Variants in FCRL5 observed in about 807,000 individuals in gnomAD.
The protein encoded by FCRL5 is Fc receptor like 5.
A neutral mutation model predicts 92.1 loss-of-function variants in FCRL5; 79 were observed. The observed-to-expected ratio is 0.86, with a 90% CI of 0.72 to 1.03. The LOEUF (loss-of-function observed/expected upper bound fraction) is 1.03, where lower values mean the gene tolerates loss of function less well. Ranked by LOEUF, FCRL5 falls within the 50% of genes least tolerant of loss-of-function variation. The pLI, the probability that FCRL5 is intolerant of heterozygous loss-of-function variation, is 0.00. For synonymous variants in FCRL5, 466 were observed against 469.3 expected (o/e 0.99, Z 0.09); for missense variants, 1,160 against 1,181.1 (o/e 0.98, Z 0.26).
intron 9 of FCRL5, among the ~76,000 whole-genome samples, chr1:157,526,318 G>T (rs896134268): frequency 2.0e-5 from 3 of 152,316 alleles, no homozygotes; most frequent in Non-Finnish European, 2.9e-5. Flanking sequence ...GAAACATTTT[G>T]GTGGAGAGGT....
chr1:157,533,520 TC>T (rs1186151150), intron 8 of FCRL5: 2 of 152,178 alleles, frequency 1.3e-5, no homozygotes, highest in African/African-American at 4.8e-5. Flanking sequence ...TCCCCTCTTA[TC>T]ATCTTGTCAT....
chr1:157,526,532 G>A (rs955394771), intron 9 of FCRL5, among the ~76,000 whole-genome samples: 4 of 152,122 alleles, frequency 2.6e-5, no homozygotes, highest in African/African-American at 9.7e-5. Flanking sequence ...GAGATGTTGG[G>A]GGCCACAGAA....
chr1:157,541,279 A>G lies in FCRL5; in HGVS notation c.1123+1580T>C, dbSNP rs1404348461. On this transcript the variant is annotated intron_variant, in intron 6 of 16. Transcript: ENST00000361835. ...CTCCAACTGGACGCTCTCTTGATGA[A>G]CCCTCTCTTTTACTCCTGGCTGCCC... Among the ~76,000 whole-genome samples, 4 of 151,962 alleles carry G rather than the reference A, an allele frequency of 2.6e-5. No homozygotes were observed. The South Asian group carries it at 6.3e-4, about 24-fold the overall frequency.
At chr1:157,545,324 G>A (rs1484246057) in intron 3 of FCRL5, among the ~76,000 whole-genome samples, 1 of 151,910 alleles carries the variant, frequency 6.6e-6, no homozygotes, top group East Asian at 1.9e-4. Context: ...TGTTTTTCCA[G>A]TTTTCTCTTC....
intron 12 of FCRL5, 138 bp downstream of exon 12, chr1:157,520,293 C>A (rs550297693): frequency 4.6e-6 from 3 of 646,508 alleles, no homozygotes; most frequent in African/African-American, 3.7e-5. Context: ...GAGGACCCAG[C>A]GGGAAAGGAA....
rs1650896166 is a variant in FCRL5 at position 157,534,919 on chromosome 1, A to G, written c.1403-27T>C. Reference sequence around the variant, plus strand: ...TGAGGAAGAGAAAGATTGAATCAAGAGTTGCTTTTGCCTCTTACTGTAGAT... The same window carrying G: ...TGAGGAAGAGAAAGATTGAATCAAGGGTTGCTTTTGCCTCTTACTGTAGAT... On this transcript the variant is annotated intron_variant, in intron 7 of 16. Transcript: ENST00000361835. 4.6e-6 allele frequency: 7 copies of G among 1,515,770 alleles called. No homozygotes were observed. The South Asian group carries it at 9.4e-5, about 20-fold the overall frequency. The allele number at this position is 1,515,770 out of a possible 1,614,324, so 93.9% of individuals were successfully genotyped here.
intron 10 of FCRL5, chr1:157,522,348 GA>G (rs1182270500): frequency 6.6e-6 from 1 of 152,200 alleles, no homozygotes; most frequent in Non-Finnish European, 1.5e-5. Flanking sequence ...CAACGGATGA[GA>G]AAATGTCATC....
chr1:157,536,194 A>C (rs1441383209), intron 7 of FCRL5, among the ~76,000 whole-genome samples: 1 of 152,008 alleles, frequency 6.6e-6, no homozygotes, highest in Non-Finnish European at 1.5e-5. Context: ...CACCTGCCTC[A>C]GCCTCCCAAA....
chr1:157,539,851 G>A (rs1381527422), intron 6 of FCRL5, among the ~76,000 whole-genome samples: 1 of 152,160 alleles, frequency 6.6e-6, no homozygotes, highest in Non-Finnish European at 1.5e-5. Flanking sequence ...GCTAAAGGTT[G>A]ATCAAAGACT....
intron 2 of FCRL5, among the ~76,000 whole-genome samples, chr1:157,548,074 T>A (rs1260852610): frequency 6.6e-6 from 1 of 152,260 alleles, no homozygotes; most frequent in Non-Finnish European, 1.5e-5. Context: ...GATCCTATCC[T>A]GAGTCAATAT....
In FCRL5 at chr1:157,544,230, T is replaced by TGCAG. The variant is rs748513684; in HGVS notation, c.844+28_844+31dup. On this transcript the variant is annotated intron_variant, in intron 5 of 16. Coordinates refer to ENST00000361835, the MANE Select transcript of FCRL5 (RefSeq NM_031281.3). ...CCTGTCCCACTTTTCCAGCCCTCTC[T>TGCAG]GCAGCAAATCTCAGGTTCCACCAAC... 3 of 1,608,824 alleles carry TGCAG rather than the reference T, an allele frequency of 1.9e-6. No homozygotes were observed. The African/African-American group carries it at 4.0e-5, about 21-fold the overall frequency.
At chr1:157,545,677 C>T (rs954102657) in intron 3 of FCRL5, among the ~76,000 whole-genome samples, 2 of 151,852 alleles carry the variant, frequency 1.3e-5, no homozygotes, top group Non-Finnish European at 2.9e-5. Flanking sequence ...TACAGGCACC[C>T]GCCACCAAGC....
chr1:157,525,721 AAC>A, intron 9 of FCRL5, among the ~76,000 whole-genome samples: 1 of 152,218 alleles, frequency 6.6e-6, no homozygotes, highest in Non-Finnish European at 1.5e-5. Context: ...AAGTCAAATC[AAC>A]AGGACTTAAT....
chr1:157,537,548 C>G (rs1189899067), intron 7 of FCRL5, among the ~76,000 whole-genome samples: 1 of 152,178 alleles, frequency 6.6e-6, no homozygotes, highest in Non-Finnish European at 1.5e-5. Flanking sequence ...CACCCTGCCT[C>G]CATTTGCCTT....
intron 7 of FCRL5, 90 bp downstream of exon 7, chr1:157,538,996 A>C: frequency 7.3e-7 from 1 of 1,363,446 alleles, no homozygotes; most frequent in Non-Finnish European, 1.0e-6. Context: ...GAAACAGAGG[A>C]TACTAGAAGG....
chr1:157,544,027 G>A (rs1178510218), intron 5 of FCRL5, among the ~76,000 whole-genome samples: 5 of 152,222 alleles, frequency 3.3e-5, no homozygotes, highest in African/African-American at 1.2e-4. Flanking sequence ...AGAAAAGAAA[G>A]AATTGTATTT....
intron 14 of FCRL5, 27 bp from the exon 15 acceptor site, chr1:157,518,524 G>A (rs1333112964): frequency 6.3e-7 from 1 of 1,593,730 alleles, no homozygotes; most frequent in Non-Finnish European, 8.6e-7. Flanking sequence ...AGTTTCAGAG[G>A]ATGCTGAGGT....
chr1:157,529,692 C>G (rs1160474894), intron 8 of FCRL5, among the ~76,000 whole-genome samples: 1 of 152,016 alleles, frequency 6.6e-6, no homozygotes, highest in Non-Finnish European at 1.5e-5. Context: ...GAGTTGGAGA[C>G]CATTATTCTA....
intron 7 of FCRL5, among the ~76,000 whole-genome samples, chr1:157,537,833 C>A (rs1651042446): frequency 6.6e-6 from 1 of 152,172 alleles, no homozygotes; most frequent in African/African-American, 2.4e-5. Flanking sequence ...CCCCCGATAT[C>A]ATCTCAAATT....
Sources: allele counts gnomAD v4.1 joint callset (sites outside exome capture counted in the v4.1 genomes callset), GRCh38; gene constraint gnomAD v4.1.1; transcripts MANE v1.5; gene names NCBI Gene and HGNC (gene_info 2026-07-23, HGNC 2026-07-21).